SH3PXD2A: variants seen among roughly 807,000 people sequenced by gnomAD.
SH3PXD2A encodes SH3 and PX domains 2A, also known as SH3 and PX domain-containing protein 2A.
In SH3PXD2A, 32 loss-of-function variants were observed where a neutral mutation model predicts 115.2. The ratio of observed to expected loss-of-function variants is 0.28; its 90% CI spans 0.21 to 0.37. The LOEUF is 0.37. SH3PXD2A is among the 10% of genes least tolerant of loss of function. The pLI is 1.00. For missense variants in SH3PXD2A, 1,328 were observed against 1,498.7 expected, an observed-to-expected ratio of 0.89 and a Z score of 1.88; for synonymous variants, 610 against 629.1, an observed-to-expected ratio of 0.97 and a Z score of 0.45.
At chr10:103,783,814 C>G (rs1398152084) in intron 2 of SH3PXD2A, among the ~76,000 whole-genome samples, 1 of 152,218 alleles carries the variant, frequency 6.6e-6, no homozygotes. Context: ...AGAGGAATCC[C>G]TAGAGCTAAA....
intron 6 of SH3PXD2A, among the ~76,000 whole-genome samples, chr10:103,681,950 C>T (rs888188766): frequency 2.0e-5 from 3 of 152,150 alleles, no homozygotes; most frequent in African/African-American, 7.2e-5. Flanking sequence ...GGGCGTCACT[C>T]CAGACACGCT....
At position 103,666,114 on chromosome 10, in the gene SH3PXD2A, C is replaced by T. The variant is rs3781341; in HGVS notation, c.472+2494G>A. Among the ~76,000 whole-genome samples the T allele has an allele frequency of 6.0e-4, 92 of 152,308 alleles. No homozygotes were observed. In the East Asian group the frequency reaches 0.013, roughly 21 times the overall value. Reference sequence around the variant, plus strand: ...CAGTCCCATGCTCCAACGCCTTCCACGGCTCCCTCTTGCCTATAAAGGACA... The same window carrying T: ...CAGTCCCATGCTCCAACGCCTTCCATGGCTCCCTCTTGCCTATAAAGGACA... On this transcript the variant is annotated intron_variant, in intron 7 of 14. Transcript: ENST00000369774. This position sits in a 1 kb window ranked among gnomAD's most constrained non-coding sequence, Gnocchi z 4.5.
At chr10:103,822,829 G>A (rs1274773721) in intron 1 of SH3PXD2A, among the ~76,000 whole-genome samples, 2 of 152,180 alleles carry the variant, frequency 1.3e-5, no homozygotes, top group Non-Finnish European at 2.9e-5. Context: ...AAATACATAT[G>A]GCTAACCCAT....
intron 8 of SH3PXD2A, among the ~76,000 whole-genome samples, chr10:103,656,487 G>C (rs918178117): frequency 1.3e-5 from 2 of 152,204 alleles, no homozygotes; most frequent in Admixed American, 1.3e-4. Context: ...GGTCGGATGA[G>C]AGGAGAAGGC....
chr10:103,651,415 C>T (rs1808541348), intron 8 of SH3PXD2A, among the ~76,000 whole-genome samples: 1 of 152,240 alleles, frequency 6.6e-6, no homozygotes. Flanking sequence ...CCCAGTGGGG[C>T]TTTAGCACAA....
At chr10:103,754,745 A>C (rs2038620338) in intron 3 of SH3PXD2A, 1 of 152,212 alleles carries the variant, frequency 6.6e-6, no homozygotes. Flanking sequence ...CAGGCAGCTC[A>C]GGTGTATGTA....
At chr10:103,754,975 T>G (rs953363972) in intron 3 of SH3PXD2A, 2 of 152,154 alleles carry the variant, frequency 1.3e-5, no homozygotes, top group Non-Finnish European at 2.9e-5. Flanking sequence ...CTTCTCCAAC[T>G]TTATGGTGCA....
At chr10:103,610,928 C>G (rs1436700619) in intron 13 of SH3PXD2A, among the ~76,000 whole-genome samples, 4 of 152,230 alleles carry the variant, frequency 2.6e-5, no homozygotes, top group African/African-American at 9.6e-5. Context: ...CCACTACATC[C>G]CACTGCGCTT....
chr10:103,628,752 AG>A, intron 8 of SH3PXD2A, among the ~76,000 whole-genome samples: 1 of 152,288 alleles, frequency 6.6e-6, no homozygotes, highest in Non-Finnish European at 1.5e-5. Context: ...ACCTGAAAAA[AG>A]GAAGCCTGGG....
chr10:103,619,487 G>C (rs1012891608), intron 10 of SH3PXD2A, among the ~76,000 whole-genome samples: 4 of 152,206 alleles, frequency 2.6e-5, no homozygotes, highest in Non-Finnish European at 5.9e-5. Context: ...TCCTAGGCAA[G>C]GTTGCATTTG....
In SH3PXD2A at chr10:103,603,091, AGAGGAGGAG is replaced by A; in HGVS notation, c.2118_2126del (p.Ser708_Ser710del). On this transcript the variant is annotated inframe_deletion, in exon 15 of 15. Coordinates refer to ENST00000369774, the MANE Select transcript of SH3PXD2A (RefSeq NM_001394015.1). ...GGTCGCCACTGGTTTTGGACAAGGA[AGAGGAGGAG>A]GAGGAAGAGGAGGAGCAGCAAGTGG... 1 of 1,613,178 alleles carries A rather than the reference AGAGGAGGAG, an allele frequency of 6.2e-7. No homozygotes were observed. Among genetic ancestry groups the A allele is most frequent in the South Asian group, 1.1e-5 (1 of 91,064 alleles).
At chr10:103,685,386 T>A (rs1459478397) in intron 6 of SH3PXD2A, among the ~76,000 whole-genome samples, 1 of 148,146 alleles carries the variant, frequency 6.8e-6, no homozygotes, top group Non-Finnish European at 1.5e-5. Flanking sequence ...CTGGCTGACC[T>A]GGGGCAAGTT....
At chr10:103,743,602 C>T (rs1268689869) in intron 3 of SH3PXD2A, among the ~76,000 whole-genome samples, 1 of 152,074 alleles carries the variant, frequency 6.6e-6, no homozygotes, top group Non-Finnish European at 1.5e-5. Flanking sequence ...AACTCCTGGT[C>T]TTAAGTGATC....
intron 6 of SH3PXD2A, 138 bp downstream of exon 6, chr10:103,692,890 G>C (rs899249333): frequency 1.4e-6 from 1 of 697,318 alleles, no homozygotes; most frequent in Non-Finnish European, 2.5e-6. Flanking sequence ...AGTACCCCTG[G>C]CCCGGCAGGA....
chr10:103,692,776 G>C (rs2037772606), intron 6 of SH3PXD2A, among the ~76,000 whole-genome samples: 1 of 152,148 alleles, frequency 6.6e-6, no homozygotes, highest in Admixed American at 6.5e-5. Flanking sequence ...CACCCACTAG[G>C]GACAGCGAGG....
intron 3 of SH3PXD2A, among the ~76,000 whole-genome samples, chr10:103,755,654 T>C (rs4918046): frequency 0.23 from 34,915 of 151,988 alleles, 4,276 homozygotes; most frequent in African/African-American, 0.28. Context: ...CCACGGAAAA[T>C]AGCAGAGTTT....
Position 103,603,412 on chromosome 10 carries a change from G to A in SH3PXD2A, c.1806C>T (p.Arg602=), listed in dbSNP as rs150896156. 4,482 of 1,614,084 alleles carry A rather than the reference G, an allele frequency of 2.8e-3. 13 individuals are homozygous for A. Among genetic ancestry groups the A allele is most frequent in the Non-Finnish European group, 3.4e-3 (3,957 of 1,179,988 alleles). The change falls in exon 15 of 15, where the codon CGC becomes CGT. Residue 602 remains arginine, a synonymous_variant. Transcript: ENST00000369774. The stretch of plus-strand genomic sequence containing the variant: ...CCTCTGAAGACTCACCCACCTTGAA[G>A]CGGGCCCGCTGCAGAGAAGAGGCCG... The part of the protein sequence containing the change: ...PSPASSLQRA[R]FKVGESSEDV...
intron 3 of SH3PXD2A, among the ~76,000 whole-genome samples, chr10:103,758,024 G>A (rs899816453): frequency 5.9e-5 from 9 of 152,294 alleles, no homozygotes; most frequent in Admixed American, 5.2e-4. Context: ...GCCACACAGC[G>A]CTTTCCATGC....
At chr10:103,846,377 A>G (rs541306165) in intron 1 of SH3PXD2A, among the ~76,000 whole-genome samples, 18 of 152,184 alleles carry the variant, frequency 1.2e-4, no homozygotes, top group African/African-American at 3.9e-4. Flanking sequence ...AAGAAGGAAA[A>G]CCAGAGGCCG....
Sources: allele counts gnomAD v4.1 joint callset (sites outside exome capture counted in the v4.1 genomes callset), GRCh38; gene constraint gnomAD v4.1.1; non-coding constraint Gnocchi (gnomAD v3.1); transcripts MANE v1.5; gene names NCBI Gene and HGNC (gene_info 2026-07-23, HGNC 2026-07-21).